The following CES5A variants were observed in gnomAD, a reference collection of about 807,000 sequenced individuals.
The protein encoded by CES5A is carboxylesterase 5.
CES5A carries 67 observed loss-of-function variants against 62.9 expected under a neutral mutation model. The ratio of observed to expected loss-of-function variants is 1.07; its 90% CI spans 0.88 to 1.31. The LOEUF (loss-of-function observed/expected upper bound fraction) is 1.31, where lower values mean the gene tolerates loss of function less well. CES5A is among the 50% of genes most tolerant of loss of function. The probability of loss-of-function intolerance (pLI) is 0.00; values close to 1 mark genes in which losing one functional copy is unlikely to be tolerated. For missense variants in CES5A, 748 were observed against 708.5 expected, an observed-to-expected ratio of 1.06 and a Z score of -0.63; for synonymous variants, 296 against 280.8, an observed-to-expected ratio of 1.05 and a Z score of -0.54.
chr16:55,938,317 A>G (rs2034400033), intron 2 of CES5A, among the ~76,000 whole-genome samples: 1 of 151,944 alleles, frequency 6.6e-6, no homozygotes, highest in Admixed American at 6.6e-5. Flanking sequence ...TTCTCTGCCC[A>G]TTTTTCATGC....
chr16:55,871,585 C>T (rs2142411569), intron 3 of CES5A, 40 bp downstream of exon 3: 1 of 1,610,512 alleles, frequency 6.2e-7, no homozygotes, highest in Non-Finnish European at 8.5e-7. Context: ...GGCCAAGGTC[C>T]TGCTAGCTAG....
At chr16:55,874,338 C>A (rs546856112) in intron 1 of CES5A, among the ~76,000 whole-genome samples, 100 of 152,296 alleles carry the variant, frequency 6.6e-4, no homozygotes, top group Admixed American at 1.6e-3. Context: ...TTTCTTTCTA[C>A]AGGATTGACA....
chr16:55,849,680 TCAGC>T lies in CES5A; in HGVS notation c.1363_1366del (p.Ala455MetfsTer12). On this transcript the variant is annotated frameshift_variant, in exon 11 of 13. Transcript: ENST00000290567. LOFTEE classifies it high-confidence loss of function. ...ACCACCGAACACAAAGCGGACTTCATCAGCGTGGTCGGCTTTGACAAAAGCTGGC... is the reference window on the plus strand; with the variant it reads ...ACCACCGAACACAAAGCGGACTTCATGTGGTCGGCTTTGACAAAAGCTGGC... 2.5e-6 allele frequency: 4 copies of T among 1,613,972 alleles called. No homozygotes were observed. The highest frequency in any genetic ancestry group is 3.4e-6 in the Non-Finnish European group (4 of 1,179,898).
upstream of CES5A, among the ~76,000 whole-genome samples, chr16:55,875,956 TTTTG>T (rs1384439865): frequency 6.6e-6 from 1 of 152,184 alleles, no homozygotes; most frequent in East Asian, 1.9e-4. Flanking sequence ...ACCACCCCCA[TTTTG>T]GATGTCTTTC....
chr16:55,857,247 A>C (rs2033261042), intron 8 of CES5A, among the ~76,000 whole-genome samples: 1 of 152,216 alleles, frequency 6.6e-6, no homozygotes. Context: ...TGGAGTTTGC[A>C]ACAAGTACCT....
chr16:55,940,465 C>A (rs191837332), intron 2 of CES5A, among the ~76,000 whole-genome samples: 1,750 of 151,832 alleles, frequency 0.012, 55 homozygotes, highest in East Asian at 0.099. Context: ...CCACAAAAAA[C>A]AAAACTCATC....
intron 5 of CES5A, 48 bp downstream of exon 5, chr16:55,865,915 G>C (rs1474231606): frequency 6.2e-7 from 1 of 1,608,010 alleles, no homozygotes; most frequent in East Asian, 2.2e-5. Flanking sequence ...ATCATTTTTG[G>C]AACCTCCGGC....
intron 10 of CES5A, among the ~76,000 whole-genome samples, chr16:55,850,830 T>TTATG (rs2033117035): frequency 6.6e-6 from 1 of 152,194 alleles, no homozygotes; most frequent in Non-Finnish European, 1.5e-5. Context: ...CTGCACTGTT[T>TTATG]TATGTCCCCA....
Position 55,846,527 on chromosome 16 carries a change from T to G in CES5A, c.1652A>C (p.Asp551Ala), listed in dbSNP as rs773771399. 40 of 1,613,992 alleles carry G rather than the reference T, an allele frequency of 2.5e-5. No individual in the cohort carries two copies. The highest frequency in any genetic ancestry group is 3.2e-5 in the Non-Finnish European group (38 of 1,180,012). ...STIPLILSAS[D>A]MLHSPLSSLT... The stretch of plus-strand genomic sequence containing the variant: ...GGAAGAAAGAGGACTGTGGAGCATG[T>G]CGGAGGCAGACAGGATCAGGGGGAT... The change falls in exon 13 of 13, where the codon GAC becomes GCC. Residue 551 changes from aspartate to alanine, a missense_variant. Asp to Ala is a moderately radical substitution (Grantham distance 126). Coordinates refer to ENST00000290567, the MANE Select transcript of CES5A (RefSeq NM_001143685.2).
intron 9 of CES5A, among the ~76,000 whole-genome samples, chr16:55,855,363 T>G (rs147331113): frequency 2.6e-3 from 394 of 152,368 alleles, no homozygotes; most frequent in South Asian, 0.025. Flanking sequence ...CTCTATATCC[T>G]AGTGTCTAGA....
chr16:55,859,673 G>A lies in CES5A; in HGVS notation c.930C>T (p.Phe310=), dbSNP rs1180573255. ...AGAAAGCACCATCAACCACTCGAGT[G>A]AAAGACTTTGTTTTCTGTAATAAGG... The part of the protein sequence containing the change: ...LLTLSQKTKS[F]TRVVDGAFFP... The change falls in exon 8 of 13, where the codon TTC becomes TTT. Residue 310 remains phenylalanine (F), a synonymous_variant. Transcript: ENST00000290567. 8 of 1,606,686 alleles carry A rather than the reference G, an allele frequency of 5.0e-6. No homozygotes were observed. The highest frequency in any genetic ancestry group is 6.8e-6 in the Non-Finnish European group (8 of 1,177,764).
intron 1 of CES5A, among the ~76,000 whole-genome samples, chr16:55,920,305 T>C (rs1366101120): frequency 6.6e-6 from 1 of 152,214 alleles, no homozygotes; most frequent in Admixed American, 6.5e-5. Flanking sequence ...CTCCACCATC[T>C]TGGGTTCTCT....
At position 55,866,042 on chromosome 16, in the gene CES5A, T is replaced by C. The variant is rs1202533320; in HGVS notation, c.626A>G (p.Asn209Ser). 9.9e-6 allele frequency: 16 copies of C among 1,614,054 alleles called. No individual in the cohort carries two copies. The highest frequency in any genetic ancestry group is 1.6e-4 in the Middle Eastern group (1 of 6,084). ...QVAALSWVQK[N>S]IEFFGGDPSS... is the part of the protein sequence containing the mutation. Reference sequence around the variant, plus strand: ...GGGGTCCCCACCGAAGAACTCGATGTTCTTCTGGACCCAGGACAGAGCAGC... The same window carrying C: ...GGGGTCCCCACCGAAGAACTCGATGCTCTTCTGGACCCAGGACAGAGCAGC... The change falls in exon 5 of 13, where the codon AAC becomes AGC. Residue 209 changes from asparagine to serine, a missense_variant. Coordinates refer to ENST00000290567, the MANE Select transcript of CES5A (RefSeq NM_001143685.2).
chr16:55,884,343 A>G (rs2033791865), intron 1 of CES5A, among the ~76,000 whole-genome samples: 1 of 151,872 alleles, frequency 6.6e-6, no homozygotes. Flanking sequence ...TAGATATCAC[A>G]CTCCCTTAAC....
chr16:55,941,351 T>C (rs2034443883), intron 2 of CES5A, among the ~76,000 whole-genome samples: 1 of 152,028 alleles, frequency 6.6e-6, no homozygotes, highest in Non-Finnish European at 1.5e-5. Flanking sequence ...AATGTATAAT[T>C]GGAAAACAAA....
chr16:55,936,087 A>G (rs1376808534), intron 2 of CES5A, among the ~76,000 whole-genome samples: 1 of 152,048 alleles, frequency 6.6e-6, no homozygotes, highest in Non-Finnish European at 1.5e-5. Flanking sequence ...TCAGTTCGGC[A>G]TTCTCTGATG....
At chr16:55,896,560 A>C (rs2142437887) in intron 1 of CES5A, among the ~76,000 whole-genome samples, 1 of 152,356 alleles carries the variant, frequency 6.6e-6, no homozygotes, top group African/African-American at 2.4e-5. Context: ...ATTCTGTTAC[A>C]GCAACACTAA....
intron 2 of CES5A, among the ~76,000 whole-genome samples, chr16:55,935,492 T>C (rs1009713376): frequency 1.3e-5 from 2 of 152,170 alleles, no homozygotes; most frequent in East Asian, 3.9e-4. Context: ...TGGCCAAATA[T>C]CTGGGCACCC....
intron 6 of CES5A, 34 bp downstream of exon 6, chr16:55,863,314 G>C: frequency 9.1e-7 from 1 of 1,094,226 alleles, no homozygotes; most frequent in East Asian, 2.4e-5. Flanking sequence ...TAACTGAGGA[G>C]AGGAAGGTGG....
Sources: allele counts gnomAD v4.1 joint callset (sites outside exome capture counted in the v4.1 genomes callset), GRCh38; gene constraint gnomAD v4.1.1; transcripts MANE v1.5; gene names NCBI Gene and HGNC (gene_info 2026-07-23, HGNC 2026-07-21).